PMM2: variants seen among roughly 807,000 people sequenced by gnomAD.
PMM2 encodes the protein mannose-6-phosphate isomerase.
A neutral mutation model predicts 33.2 loss-of-function variants in PMM2; 35 were observed. The ratio of observed to expected loss-of-function variants is 1.06; its 90% CI spans 0.81 to 1.40. The LOEUF (loss-of-function observed/expected upper bound fraction) is 1.40. PMM2 is among the 40% of genes most tolerant of loss of function. PMM2 has a pLI of 0.00. For missense variants in PMM2, 386 were observed against 306.0 expected, an observed-to-expected ratio of 1.26 and a Z score of -1.95; for synonymous variants, 153 against 114.7, an observed-to-expected ratio of 1.33 and a Z score of -2.13.
chr16:8,824,969 T>A (rs1227588965), intron 7 of PMM2, among the ~76,000 whole-genome samples: 1 of 152,238 alleles, frequency 6.6e-6, no homozygotes, highest in Non-Finnish European at 1.5e-5. Context: ...ATAAAAATAT[T>A]CTTCAAAAGA....
chr16:8,809,833 C>T (rs571587806), intron 4 of PMM2: 5 of 152,088 alleles, frequency 3.3e-5, no homozygotes, highest in South Asian at 2.1e-4. Flanking sequence ...TTTTTTGAGA[C>T]GGGGTCTCCC....
intron 7 of PMM2, among the ~76,000 whole-genome samples, chr16:8,823,965 A>C (rs1270645937): frequency 2.0e-5 from 3 of 152,224 alleles, no homozygotes; most frequent in Non-Finnish European, 2.9e-5. Context: ...CGGCATCTCT[A>C]ATTGTATCCT....
At chr16:8,818,110 GCCAGGATGGTCATGATCT>G (rs2060717963) in intron 7 of PMM2, among the ~76,000 whole-genome samples, 1 of 152,130 alleles carries the variant, frequency 6.6e-6, no homozygotes, top group Non-Finnish European at 1.5e-5. Flanking sequence ...CACCATGTTA[GCCAGGATGGTCATGATCT>G]CCTGACCTCG....
At chr16:8,810,231 G>A (rs2060670143) in intron 4 of PMM2, 1 of 152,208 alleles carries the variant, frequency 6.6e-6, no homozygotes, top group Non-Finnish European at 1.5e-5. Flanking sequence ...AATTTCCTCA[G>A]TTATTACTGA....
chr16:8,839,825 G>A (rs1041305398), intron 7 of PMM2, among the ~76,000 whole-genome samples: 25 of 150,930 alleles, frequency 1.7e-4, no homozygotes, highest in African/African-American at 5.8e-4. Flanking sequence ...ATATAGGAGC[G>A]GCCACAGGCA....
At chr16:8,810,956 T>C (rs933717917) in intron 4 of PMM2, 123 bp from the exon 5 acceptor site, 23 of 711,908 alleles carry the variant, frequency 3.2e-5, no homozygotes, top group Admixed American at 8.0e-5. Context: ...AGCACAGAGC[T>C]GAGAAACATT....
intron 2 of PMM2, among the ~76,000 whole-genome samples, chr16:8,804,074 C>T (rs1160738452): frequency 1.7e-5 from 2 of 120,500 alleles, no homozygotes; most frequent in African/African-American, 6.7e-5. Context: ...AGTCTTGCAC[C>T]GTTGCCGAGG....
At chr16:8,847,699 T>C in intron 7 of PMM2, 25 bp from the exon 8 acceptor site, 1 of 1,552,876 alleles carries the variant, frequency 6.4e-7, no homozygotes, top group Non-Finnish European at 8.9e-7. Flanking sequence ...GGGGGAGCCT[T>C]CATCTGTACT....
rs191837538 is a variant in PMM2 at position 8,812,619 on chromosome 16, G to A, written c.524-372G>A. On this transcript the variant is annotated intron_variant, in intron 6 of 7. Transcript: ENST00000268261. ...AATATGCCGGATGCAACCTGCTTCC[G>A]GGCATTTCCCCCTGAGGGTGTGTTA... 1.8e-3 allele frequency among the ~76,000 whole-genome samples: 274 copies of A among 152,192 alleles called. 2 individuals carry two copies. Among genetic ancestry groups the A allele is most frequent in the African/African-American group, 6.2e-3 (256 of 41,508 alleles).
In PMM2 at chr16:8,847,787, G is replaced by T. The variant is rs763091085; in HGVS notation, c.703G>T (p.Glu235Ter). The change falls in exon 8 of 8, where the codon GAG becomes TAG. Residue 235 changes from glutamate (E) to a stop codon, truncating the protein, a stop_gained. Coordinates refer to ENST00000268261, the MANE Select transcript of PMM2 (RefSeq NM_000303.3). LOFTEE classifies it high-confidence loss of function. ...CATGGGCTACTCCGTGACAGCGCCT[G>T]AGGACACGCGCAGGATCTGTGAACT... ...RTMGYSVTAP[E>*]DTRRICELLF... The T allele has an allele frequency of 6.2e-7, 1 of 1,614,018 alleles. No individual in the cohort carries two copies. Among genetic ancestry groups the T allele is most frequent in the South Asian group, 1.1e-5 (1 of 91,084 alleles).
intron 2 of PMM2, chr16:8,802,333 C>G (rs913582932): frequency 1.1e-5 from 5 of 455,870 alleles, no homozygotes; most frequent in Non-Finnish European, 2.2e-5. Flanking sequence ...GGCTTATTGA[C>G]CCCTTCACTG....
intron 7 of PMM2, among the ~76,000 whole-genome samples, chr16:8,846,886 T>C (rs1394329910): frequency 6.6e-6 from 1 of 152,150 alleles, no homozygotes; most frequent in African/African-American, 2.4e-5. Flanking sequence ...TTATTTAAGA[T>C]AGAGTCTCCC....
At chr16:8,816,413 A>C (rs1038790769) in intron 7 of PMM2, among the ~76,000 whole-genome samples, 1 of 151,000 alleles carries the variant, frequency 6.6e-6, no homozygotes, top group African/African-American at 2.4e-5. Context: ...GGCGTGAGCC[A>C]CCACACTGGG....
intron 2 of PMM2, chr16:8,802,277 A>G: frequency 2.2e-6 from 1 of 455,094 alleles, no homozygotes; most frequent in South Asian, 1.6e-5. Context: ...TCACCTCCCC[A>G]TCACTGAAAC....
At chr16:8,832,077 C>T (rs1036449292) in intron 7 of PMM2, 1 of 931,384 alleles carries the variant, frequency 1.1e-6, no homozygotes, top group African/African-American at 1.8e-5. Context: ...GGGCAGCCAG[C>T]TTTCCTTTCA....
chr16:8,846,043 G>T (rs917835506), intron 7 of PMM2, among the ~76,000 whole-genome samples: 1 of 152,186 alleles, frequency 6.6e-6, no homozygotes, highest in Non-Finnish European at 1.5e-5. Flanking sequence ...CCCAGGCCTG[G>T]TACAAAACTG....
At chr16:8,830,665 C>T (rs1596498982) in intron 7 of PMM2, among the ~76,000 whole-genome samples, 1 of 152,302 alleles carries the variant, frequency 6.6e-6, no homozygotes, top group African/African-American at 2.4e-5. Flanking sequence ...TTAGGATTTA[C>T]AAGCGATGTT....
rs976043444 is a variant in PMM2, at chr16:8,842,739, G to A, written c.640-4985G>A. On this transcript the variant is annotated intron_variant, in intron 7 of 7. Transcript: ENST00000268261. ...GGTTTCTGGACAGGTAAAATGGGGG[G>A]ATTATAAGAAGAGTTTATAGGTTTT... Among the ~76,000 whole-genome samples the A allele has an allele frequency of 3.3e-4, 51 of 152,294 alleles. No homozygotes were observed. In the Middle Eastern group the frequency reaches 0.014, roughly 41 times the overall value.
chr16:8,804,744 T>G, intron 2 of PMM2, 23 bp from the exon 3 acceptor site: 1 of 1,542,896 alleles, frequency 6.5e-7, no homozygotes, highest in Non-Finnish European at 8.9e-7. Context: ...GCATTCTAAG[T>G]GTTTTTTTGG....
Sources: allele counts gnomAD v4.1 joint callset (sites outside exome capture counted in the v4.1 genomes callset), GRCh38; gene constraint gnomAD v4.1.1; transcripts MANE v1.5; gene names NCBI Gene and HGNC (gene_info 2026-07-23, HGNC 2026-07-21).